Variants in MATN4 observed in about 807,000 individuals in gnomAD.
MATN4 encodes the protein matrilin-4.
A neutral mutation model predicts 54.6 loss-of-function variants in MATN4; 40 were observed. The observed-to-expected ratio is 0.73, with a 90% CI of 0.57 to 0.95. The LOEUF is 0.95. MATN4 is among the 40% of genes least tolerant of loss of function. The pLI, the probability that MATN4 is intolerant of heterozygous loss-of-function variation, is 0.00. For missense variants in MATN4, 810 were observed against 819.1 expected, an observed-to-expected ratio of 0.99 and a Z score of 0.13; for synonymous variants, 351 against 345.3, an observed-to-expected ratio of 1.02 and a Z score of -0.18.
In MATN4 at chr20:45,298,231, G is replaced by T. The variant is rs1303227892; in HGVS notation, c.1365C>A (p.Val455=). 1 of 1,610,008 alleles carries T rather than the reference G, an allele frequency of 6.2e-7. No homozygotes were observed. The highest frequency in any genetic ancestry group is 8.5e-7 in the Non-Finnish European group (1 of 1,177,346). The change falls in exon 7 of 10, where the codon GTC becomes GTA. Residue 455 remains valine, a synonymous_variant. Transcript: ENST00000372756. The surrounding 1 kb of genome is among the most constrained non-coding windows in gnomAD (Gnocchi z 4.6). The part of the protein sequence containing the change: ...RALNVPRVGL[V]FTDGRSQDDI... The stretch of plus-strand genomic sequence containing the variant: ...CATCCTGGGAGCGGCCATCCGTGAA[G>T]ACCAGGCCAACACGAGGCACGTTAA...
Position 45,298,255 on chromosome 20 carries a change from A to G in MATN4, c.1341T>C (p.Leu447=), listed in dbSNP as rs1180684409. 1.2e-6 allele frequency: 2 copies of G among 1,612,654 alleles called. No homozygotes were observed. Among genetic ancestry groups the G allele is most frequent in the South Asian group, 1.1e-5 (1 of 91,040 alleles). The change falls in exon 7 of 10, where the codon CTT becomes CTC. Residue 447 remains leucine (L), a synonymous_variant. Coordinates refer to ENST00000372756, the MANE Select transcript of MATN4 (RefSeq NM_001393530.1). The surrounding 1 kb of genome is among the most constrained non-coding windows in gnomAD (Gnocchi z 4.6). Reference sequence around the variant, plus strand: ...AGACCAGGCCAACACGAGGCACGTTAAGGGCACGGGGCCGTGCACCCTGCG... The same window carrying G: ...AGACCAGGCCAACACGAGGCACGTTGAGGGCACGGGGCCGTGCACCCTGCG... ...SEAQGARPRA[L]NVPRVGLVFT...
chr20:45,306,302 A>T (rs1986664016), intron 1 of MATN4, among the ~76,000 whole-genome samples: 1 of 152,140 alleles, frequency 6.6e-6, no homozygotes, highest in Non-Finnish European at 1.5e-5. Flanking sequence ...GAGGCTCAGA[A>T]AAGTTAAGCG....
In MATN4 at chr20:45,298,288, G is replaced by A. The variant is rs1244451125; in HGVS notation, c.1308C>T (p.Phe436=). The change falls in exon 7 of 10, where the codon TTC becomes TTT. Residue 436 remains phenylalanine, a synonymous_variant. Coordinates refer to ENST00000372756, the MANE Select transcript of MATN4 (RefSeq NM_001393530.1). This position sits in a 1 kb window ranked among gnomAD's most constrained non-coding sequence, Gnocchi z 4.6. ...GGGGCCGTGCACCCTGCGCCTCGGA[G>A]AAGCTGTGCTCCACCATGTGCCGCA... The part of the protein sequence containing the change: ...LALRHMVEHS[F]SEAQGARPRA... 1 of 1,613,454 alleles carries A rather than the reference G, an allele frequency of 6.2e-7. No individual in the cohort carries two copies. The highest frequency in any genetic ancestry group is 2.2e-5 in the East Asian group (1 of 44,868).
Position 45,298,291 on chromosome 20 carries a change from G to A in MATN4, c.1305C>T (p.Ser435=). 6.2e-7 allele frequency: 1 copy of A among 1,613,440 alleles called. No individual in the cohort carries two copies. Among genetic ancestry groups the A allele is most frequent in the Non-Finnish European group, 8.5e-7 (1 of 1,179,894 alleles). ...GLALRHMVEH[S]FSEAQGARPR... The stretch of plus-strand genomic sequence containing the variant: ...GCCGTGCACCCTGCGCCTCGGAGAA[G>A]CTGTGCTCCACCATGTGCCGCAACG... Residue 435 remains serine (S), a synonymous_variant, in exon 7 of 10, where the codon AGC becomes AGT. Coordinates refer to ENST00000372756, the MANE Select transcript of MATN4 (RefSeq NM_001393530.1). The surrounding 1 kb of genome is among the most constrained non-coding windows in gnomAD (Gnocchi z 4.6).
At position 45,304,634 on chromosome 20, in the gene MATN4, C is replaced by T. The variant is rs1986462023; in HGVS notation, c.237G>A (p.Ser79=). Residue 79 remains serine, a synonymous_variant, in exon 3 of 10, where the codon TCG becomes TCA. Transcript: ENST00000372756. Reference sequence around the variant, plus strand: ...GAGGGAAGACGCTCTGCACTTGACTCGAATACTGGATCACGCCAACGCGCG... The same window carrying T: ...GAGGGAAGACGCTCTGCACTTGACTTGAATACTGGATCACGCCAACGCGCG... ...NATRVGVIQY[S]SQVQSVFPLR... 1.2e-6 allele frequency: 2 copies of T among 1,609,142 alleles called. No homozygotes were observed. The highest frequency in any genetic ancestry group is 1.7e-6 in the Non-Finnish European group (2 of 1,176,374).
At chr20:45,294,578 C>T (rs1985693800) in intron 8 of MATN4, among the ~76,000 whole-genome samples, 1 of 152,226 alleles carries the variant, frequency 6.6e-6, no homozygotes, top group African/African-American at 2.4e-5. Context: ...ACTGGTGCTA[C>T]TAAAGGACTA....
chr20:45,294,124 G>C, intron 8 of MATN4, 109 bp from the exon 9 acceptor site: 9 of 846,422 alleles, frequency 1.1e-5, no homozygotes, highest in Non-Finnish European at 1.7e-5. Flanking sequence ...TGGATTTAGA[G>C]AGACCTGGGC....
At chr20:45,306,119 A>G (rs1986648827) in intron 1 of MATN4, among the ~76,000 whole-genome samples, 1 of 152,028 alleles carries the variant, frequency 6.6e-6, no homozygotes, top group Non-Finnish European at 1.5e-5. Context: ...AGAGAATGGT[A>G]AATAAGAATA....
In MATN4 at chr20:45,298,482, C is replaced by T. The variant is rs766707542; in HGVS notation, c.1114G>A (p.Val372Met). The change falls in exon 7 of 10, where the codon GTG (valine) becomes ATG (methionine). Residue 372 changes from valine to methionine, a missense_variant. Transcript: ENST00000372756. The surrounding 1 kb of genome is among the most constrained non-coding windows in gnomAD (Gnocchi z 4.6). ...ELVKRFVNQI[V>M]DFLDVSPEGT... ...TCGGGGGACACATCTAGGAAGTCCA[C>T]AATCTGGTTCACGAAGCGCTTCACT... is the stretch of plus-strand genomic sequence containing the variant. 1 of 1,613,820 alleles carries T rather than the reference C, an allele frequency of 6.2e-7. No individual in the cohort carries two copies.
chr20:45,306,297 T>C (rs2233085), intron 1 of MATN4, among the ~76,000 whole-genome samples: 40,307 of 151,948 alleles, frequency 0.27, 6,440 homozygotes, highest in East Asian at 0.74. Context: ...AAATTGAGGC[T>C]CAGAAAAGTT....
At chr20:45,307,465 G>C (rs1380809413) in intron 1 of MATN4, among the ~76,000 whole-genome samples, 2 of 152,168 alleles carry the variant, frequency 1.3e-5, no homozygotes, top group Non-Finnish European at 2.9e-5. Context: ...AAGTGGGAGG[G>C]CGGGGAACCC....
chr20:45,301,407 T>C lies in MATN4; in HGVS notation c.680A>G (p.Glu227Gly), dbSNP rs749534994. 1 of 1,614,050 alleles carries C rather than the reference T, an allele frequency of 6.2e-7. No homozygotes were observed. The highest frequency in any genetic ancestry group is 8.5e-7 in the Non-Finnish European group (1 of 1,180,020). The change falls in exon 4 of 10, where the codon GAG becomes GGG. Residue 227 changes from glutamate (E) to glycine (G), a missense_variant. Glu to Gly is a moderately conservative substitution (Grantham distance 98). Coordinates refer to ENST00000372756, the MANE Select transcript of MATN4 (RefSeq NM_001393530.1). ...GCCTGGGGAATTGACGCAGTGGTGC[T>C]CACATCCATGGGTCCCTTCAGCACA... ...DLCAEGTHGCEHHCVNSPGSY... is the reference protein window; with the variant it reads ...DLCAEGTHGCGHHCVNSPGSY...
In MATN4 at chr20:45,308,259, C is replaced by T. The variant is rs781709691; in HGVS notation, c.-119G>A. 1.3e-5 allele frequency: 21 copies of T among 1,591,076 alleles called. No individual in the cohort carries two copies. The highest frequency in any genetic ancestry group is 7.7e-5 in the South Asian group (7 of 90,624). ...CCCGGGCACTTGGACCAGGTAACGGCGGCGTGGCAGCGTGCCCTAGGTGGG... is the reference window on the plus strand; with the variant it reads ...CCCGGGCACTTGGACCAGGTAACGGTGGCGTGGCAGCGTGCCCTAGGTGGG... On this transcript the variant is annotated 5_prime_UTR_variant, in exon 1 of 10. Coordinates refer to ENST00000372756, the MANE Select transcript of MATN4 (RefSeq NM_001393530.1).
At chr20:45,308,306 C>A, upstream of MATN4, 3 of 1,224,462 alleles carry the variant, frequency 2.5e-6, no homozygotes, top group Non-Finnish European at 3.6e-6. Context: ...AGCTGGAGCA[C>A]ACAGAGGCAA....
chr20:45,299,567 C>T (rs1039264122), intron 6 of MATN4, among the ~76,000 whole-genome samples: 1 of 152,018 alleles, frequency 6.6e-6, no homozygotes, highest in Non-Finnish European at 1.5e-5. Context: ...GAGGGTACAG[C>T]GCTTATGAGT....
chr20:45,301,448 G>A lies in MATN4; in HGVS notation c.644-5C>T. On this transcript the variant is annotated splice_region_variant and splice_polypyrimidine_tract_variant and intron_variant, in intron 3 of 9. Coordinates refer to ENST00000372756, the MANE Select transcript of MATN4 (RefSeq NM_001393530.1). ...CTTCAGCACACAGATCAATGGCTGA[G>A]GAAGAAATGGGGTCAGTCTATGCCC... 1 of 1,612,856 alleles carries A rather than the reference G, an allele frequency of 6.2e-7. No individual in the cohort carries two copies.
chr20:45,296,951 G>A (rs562755527), intron 8 of MATN4, among the ~76,000 whole-genome samples: 1 of 151,906 alleles, frequency 6.6e-6, no homozygotes, highest in East Asian at 1.9e-4. Context: ...CACCTCCCAG[G>A]TTCAAGCAAT....
Position 45,300,889 on chromosome 20 carries a change from T to G in MATN4, c.1010A>C (p.Asn337Thr), listed in dbSNP as rs759860089. 1 of 1,612,492 alleles carries G rather than the reference T, an allele frequency of 6.2e-7. No individual in the cohort carries two copies. Among genetic ancestry groups the G allele is most frequent in the Non-Finnish European group, 8.5e-7 (1 of 1,180,038 alleles). Residue 337 changes from asparagine to threonine, a missense_variant and splice_region_variant, in exon 6 of 10, where the codon AAC becomes ACC. By Grantham distance (65) the Asn-to-Thr change is moderately conservative. Coordinates refer to ENST00000372756, the MANE Select transcript of MATN4 (RefSeq NM_001393530.1). ...ACACCCTCCCGCCCATCACTCACGG[T>G]TGCAGCTCTTGCCATCTGCCTGAAG... ...RQLQADGKSCNRCREGHVDLV... is the reference protein window; with the variant it reads ...RQLQADGKSCTRCREGHVDLV...
At position 45,293,665 on chromosome 20, in the gene MATN4, C is replaced by A. The variant is rs536518613; in HGVS notation, c.*102G>T. ...GCGCCTCCGCCCCGACAGCCCAAGC[C>A]GGACGGGCCCAGGTTCTGCCTGGCC... is the stretch of plus-strand genomic sequence containing the variant. On this transcript the variant is annotated 3_prime_UTR_variant, in exon 10 of 10. Coordinates refer to ENST00000372756, the MANE Select transcript of MATN4 (RefSeq NM_001393530.1). 1.9e-3 allele frequency: 2,166 copies of A among 1,143,292 alleles called. 10 individuals carry two copies. The highest frequency in any genetic ancestry group is 2.0e-3 in the Non-Finnish European group (1,674 of 841,258). The allele number at this position is 1,143,292 out of a possible 1,614,324, so 70.8% of individuals were successfully genotyped here. A position where few individuals can be genotyped will look rare whatever the true frequency, so the allele number is the denominator to read the frequency against.
Sources: allele counts gnomAD v4.1 joint callset (sites outside exome capture counted in the v4.1 genomes callset), GRCh38; gene constraint gnomAD v4.1.1; non-coding constraint Gnocchi (gnomAD v3.1); transcripts MANE v1.5; gene names NCBI Gene and HGNC (gene_info 2026-07-23, HGNC 2026-07-21).